Variants in STK32B observed in about 807,000 individuals in gnomAD.
The protein encoded by STK32B is serine/threonine-protein kinase 32B.
Under a neutral mutation model 52.6 loss-of-function variants are expected in STK32B, and 43 were observed. The ratio of observed to expected loss-of-function variants is 0.82; its 90% CI spans 0.64 to 1.05. The LOEUF (loss-of-function observed/expected upper bound fraction) is 1.05, where lower values mean the gene tolerates loss of function less well. Among genes scored for constraint, STK32B ranks in the 50% least tolerant of loss-of-function variants. STK32B has a pLI of 0.00. For missense variants in STK32B, 621 were observed against 534.6 expected (o/e 1.16, Z -1.59); for synonymous variants, 238 against 204.3 (o/e 1.17, Z -1.41).
intron 4 of STK32B, among the ~76,000 whole-genome samples, chr4:5,341,522 C>T (rs1733074501): frequency 6.6e-6 from 1 of 152,200 alleles, no homozygotes; most frequent in South Asian, 2.1e-4. Context: ...TGTCTACTTT[C>T]TTCCTGGCAT....
At position 5,248,312 on chromosome 4, in the gene STK32B, T is replaced by C. The variant is rs1725611215; in HGVS notation, c.260+79862T>C. ...ATTCAGGCATGTAGATGCCCTAGGC[T>C]TTCAGCTTTAGTAATGCCCCAAGGA... On this transcript the variant is annotated intron_variant, in intron 3 of 11. Transcript: ENST00000282908. Among the ~76,000 whole-genome samples, 5 of 152,362 alleles carry C rather than the reference T, an allele frequency of 3.3e-5. No individual in the cohort carries two copies. The South Asian group carries it at 1.0e-3, about 32-fold the overall frequency.
chr4:5,306,942 T>A (rs186307931), intron 3 of STK32B, among the ~76,000 whole-genome samples: 1 of 148,906 alleles, frequency 6.7e-6, no homozygotes, highest in African/African-American at 2.4e-5. Flanking sequence ...AACTGTTTTG[T>A]TTAAGGAGGC....
At chr4:5,381,502 T>C (rs995020555) in intron 4 of STK32B, among the ~76,000 whole-genome samples, 2 of 151,792 alleles carry the variant, frequency 1.3e-5, no homozygotes, top group African/African-American at 4.8e-5. Context: ...TTCGATTGAA[T>C]GAGATCATGC....
intron 3 of STK32B, among the ~76,000 whole-genome samples, chr4:5,223,384 A>G (rs145507221): frequency 1.5e-3 from 226 of 152,300 alleles, no homozygotes; most frequent in African/African-American, 4.8e-3. Context: ...CTGTAGAACC[A>G]CTAGCACACA....
intron 1 of STK32B, among the ~76,000 whole-genome samples, chr4:5,053,206 A>G (rs947221890): frequency 1.3e-5 from 2 of 152,198 alleles, no homozygotes; most frequent in African/African-American, 4.8e-5. Context: ...TTCCTAGTCT[A>G]ATGGCCCTGA....
chr4:5,359,229 T>G (rs1484737605), intron 4 of STK32B, among the ~76,000 whole-genome samples: 1 of 152,156 alleles, frequency 6.6e-6, no homozygotes, highest in African/African-American at 2.4e-5. Context: ...TTGGTGATAC[T>G]ACCCATGGAA....
intron 4 of STK32B, among the ~76,000 whole-genome samples, chr4:5,335,781 G>A (rs1326897814): frequency 6.6e-6 from 1 of 152,030 alleles, no homozygotes; most frequent in Non-Finnish European, 1.5e-5. Flanking sequence ...CCATGTAGTT[G>A]AGCAGTTTTG....
chr4:5,279,370 A>G (rs577268138), intron 3 of STK32B, among the ~76,000 whole-genome samples: 1 of 152,328 alleles, frequency 6.6e-6, no homozygotes, highest in African/African-American at 2.4e-5. Flanking sequence ...TAAAGCTCCA[A>G]AATAATCTTC....
At chr4:5,214,667 C>T (rs1723086611) in intron 3 of STK32B, among the ~76,000 whole-genome samples, 1 of 152,204 alleles carries the variant, frequency 6.6e-6, no homozygotes, top group African/African-American at 2.4e-5. Context: ...AGTTAAAAAT[C>T]ACTCATGATC....
At chr4:5,184,707 G>A (rs1213726449) in intron 3 of STK32B, among the ~76,000 whole-genome samples, 2 of 146,160 alleles carry the variant, frequency 1.4e-5, no homozygotes, top group Admixed American at 6.9e-5. Context: ...AGAAGAAGAA[G>A]AAGAAAAAGA....
At chr4:5,374,807 C>T (rs2109016477) in intron 4 of STK32B, among the ~76,000 whole-genome samples, 1 of 151,840 alleles carries the variant, frequency 6.6e-6, no homozygotes, top group Admixed American at 6.5e-5. Context: ...GTTCAAACCA[C>T]AGCAGTGAGC....
At chr4:5,098,904 G>A (rs1474148644) in intron 1 of STK32B, among the ~76,000 whole-genome samples, 1 of 152,308 alleles carries the variant, frequency 6.6e-6, no homozygotes, top group East Asian at 1.9e-4. Context: ...ACTACTGTAT[G>A]GAAAGAGGGA....
At chr4:5,483,660 G>A (rs1718909513) in intron 11 of STK32B, among the ~76,000 whole-genome samples, 1 of 151,984 alleles carries the variant, frequency 6.6e-6, no homozygotes, top group Non-Finnish European at 1.5e-5. Flanking sequence ...TGCTTTTCTA[G>A]TTCTTTTAAT....
intron 4 of STK32B, among the ~76,000 whole-genome samples, chr4:5,339,649 G>T (rs1453431970): frequency 6.6e-6 from 1 of 152,148 alleles, no homozygotes; most frequent in Non-Finnish European, 1.5e-5. Flanking sequence ...GGAAGTGGAG[G>T]AATTATCCCA....
intron 8 of STK32B, among the ~76,000 whole-genome samples, chr4:5,457,201 GT>G (rs869027028): frequency 0.02 from 2,739 of 139,262 alleles, 40 homozygotes; most frequent in South Asian, 0.081. Flanking sequence ...TGCATGTGGG[GT>G]TTTTTTTTTC....
intron 4 of STK32B, among the ~76,000 whole-genome samples, chr4:5,390,964 C>CTTTTTTTTTT (rs71638602): frequency 1.6e-5 from 2 of 124,036 alleles, no homozygotes; most frequent in African/African-American, 6.4e-5. Flanking sequence ...TCTTTTCTAT[C>CTTTTTTTTTT]TTTTTTTTTT....
At chr4:5,129,056 C>A (rs2108819053) in intron 1 of STK32B, among the ~76,000 whole-genome samples, 1 of 152,252 alleles carries the variant, frequency 6.6e-6, no homozygotes, top group East Asian at 1.9e-4. Context: ...TGCTGAGAGG[C>A]AAAATCGCAC....
chr4:5,362,276 T>G (rs920199327), intron 4 of STK32B, among the ~76,000 whole-genome samples: 1 of 152,218 alleles, frequency 6.6e-6, no homozygotes, highest in Non-Finnish European at 1.5e-5. Flanking sequence ...AGACATTGAA[T>G]GAATAAATTT....
At chr4:5,376,505 G>A (rs1210576794) in intron 4 of STK32B, among the ~76,000 whole-genome samples, 1 of 151,966 alleles carries the variant, frequency 6.6e-6, no homozygotes, top group East Asian at 1.9e-4. Context: ...TCCGCTCAGA[G>A]CACTGGCAAG....
Sources: gnomAD v4.1 joint callset for allele counts (sites outside exome capture counted in the v4.1 genomes callset) on GRCh38, gnomAD v4.1.1 for gene constraint, MANE v1.5 for transcripts, NCBI Gene and HGNC (gene_info 2026-07-23, HGNC 2026-07-21) for gene names.